Variants in CLASP1 observed in about 807,000 individuals in gnomAD.
CLASP1 encodes the protein CLIP-associating protein 1.
CLASP1 carries 38 observed loss-of-function variants against 192.3 expected under a neutral mutation model. The ratio of observed to expected loss-of-function variants is 0.20; its 90% CI spans 0.15 to 0.26. The LOEUF (loss-of-function observed/expected upper bound fraction) is 0.26. Ranked by LOEUF, CLASP1 falls within the 10% of genes least tolerant of loss-of-function variation. CLASP1 has a pLI of 1.00. For synonymous variants in CLASP1, 691 were observed against 712.8 expected, an observed-to-expected ratio of 0.97 and a Z score of 0.49; for missense variants, 1,433 against 1,932.5, an observed-to-expected ratio of 0.74 and a Z score of 4.85.
chr2:121,643,547 C>A (rs1369133053), intron 1 of CLASP1, among the ~76,000 whole-genome samples: 1 of 152,162 alleles, frequency 6.6e-6, no homozygotes, highest in Non-Finnish European at 1.5e-5. Context: ...TGGAAGGGAA[C>A]AAAGATTATG....
At chr2:121,412,235 T>C (rs568942345) in intron 23 of CLASP1, among the ~76,000 whole-genome samples, 1 of 152,322 alleles carries the variant, frequency 6.6e-6, no homozygotes, top group Non-Finnish European at 1.5e-5. Flanking sequence ...TCAATAGTTA[T>C]ACAGTCATGA....
intron 8 of CLASP1, among the ~76,000 whole-genome samples, chr2:121,493,612 C>T (rs1341770360): frequency 6.6e-6 from 1 of 151,936 alleles, no homozygotes; most frequent in African/African-American, 2.4e-5. Flanking sequence ...TAACACCCCA[C>T]AAGTATGGGC....
chr2:121,642,688 C>T (rs113698932), intron 1 of CLASP1, among the ~76,000 whole-genome samples: 2,117 of 152,086 alleles, frequency 0.014, 51 homozygotes, highest in African/African-American at 0.048. Flanking sequence ...GCTGAGATTG[C>T]GCCACTTCAC....
chr2:121,534,318 T>G (rs933600862), intron 2 of CLASP1, among the ~76,000 whole-genome samples: 15 of 151,922 alleles, frequency 9.9e-5, no homozygotes, highest in Admixed American at 3.9e-4. Context: ...GGAGAGTGAG[T>G]TGGAAATAAA....
chr2:121,396,603 G>A (rs1574294012), intron 30 of CLASP1, among the ~76,000 whole-genome samples: 1 of 152,194 alleles, frequency 6.6e-6, no homozygotes, highest in Non-Finnish European at 1.5e-5. Context: ...GGTCCTAATC[G>A]AGGTAATATG....
chr2:121,539,687 G>A (rs1474452492), intron 2 of CLASP1, among the ~76,000 whole-genome samples: 1 of 147,396 alleles, frequency 6.8e-6, no homozygotes, highest in African/African-American at 2.7e-5. Context: ...GAAAGTGAAA[G>A]TCAAGTCACG....
chr2:121,598,636 T>C (rs1208252617), intron 2 of CLASP1, among the ~76,000 whole-genome samples: 1 of 152,232 alleles, frequency 6.6e-6, no homozygotes, highest in African/African-American at 2.4e-5. Flanking sequence ...TGCCTCATTA[T>C]TTCTAAGCCT....
At chr2:121,514,275 C>T (rs1426032538) in intron 7 of CLASP1, among the ~76,000 whole-genome samples, 1 of 152,226 alleles carries the variant, frequency 6.6e-6, no homozygotes, top group East Asian at 1.9e-4. Flanking sequence ...TGGCATGAGG[C>T]CATCCCTGCA....
chr2:121,575,666 A>G (rs965776828), intron 2 of CLASP1, among the ~76,000 whole-genome samples: 1 of 152,248 alleles, frequency 6.6e-6, no homozygotes, highest in African/African-American at 2.4e-5. Flanking sequence ...AAGTCTACGC[A>G]CCAGAGTAAA....
chr2:121,352,114 G>A (rs1348955841), intron 37 of CLASP1, among the ~76,000 whole-genome samples: 1 of 152,208 alleles, frequency 6.6e-6, no homozygotes, highest in African/African-American at 2.4e-5. Context: ...GCAGGGACCT[G>A]CTACCTGATG....
chr2:121,616,178 C>T (rs945176637), intron 1 of CLASP1, among the ~76,000 whole-genome samples: 4 of 151,992 alleles, frequency 2.6e-5, no homozygotes, highest in African/African-American at 9.7e-5. Context: ...CAGGTGCGGT[C>T]GCTCACGCCT....
At chr2:121,634,504 T>C (rs770313871) in intron 1 of CLASP1, among the ~76,000 whole-genome samples, 1 of 152,230 alleles carries the variant, frequency 6.6e-6, no homozygotes, top group Non-Finnish European at 1.5e-5. Flanking sequence ...GAGATGTTTC[T>C]AATCTCCCAG....
chr2:121,567,090 G>GC (rs1435567463), intron 2 of CLASP1, among the ~76,000 whole-genome samples: 1 of 152,206 alleles, frequency 6.6e-6, no homozygotes, highest in Non-Finnish European at 1.5e-5. Flanking sequence ...AATTACAACA[G>GC]CAACTAACAA....
intron 4 of CLASP1, 146 bp downstream of exon 4, chr2:121,528,531 G>A (rs1212494246): frequency 1.5e-6 from 1 of 655,148 alleles, no homozygotes; most frequent in African/African-American, 1.8e-5. Context: ...TGGGGAAACA[G>A]ATTGAATGCT....
chr2:121,397,902 G>A (rs950088543), intron 29 of CLASP1, among the ~76,000 whole-genome samples: 6 of 152,126 alleles, frequency 3.9e-5, no homozygotes, highest in African/African-American at 4.8e-5. Flanking sequence ...AACATGTAAC[G>A]ATTAACTTTC....
At chr2:121,505,880 T>C (rs1396203130) in intron 7 of CLASP1, among the ~76,000 whole-genome samples, 1 of 152,034 alleles carries the variant, frequency 6.6e-6, no homozygotes, top group Admixed American at 6.5e-5. Flanking sequence ...TTTTAAATAA[T>C]TTCCTGGAAG....
intron 2 of CLASP1, among the ~76,000 whole-genome samples, chr2:121,540,769 A>C (rs1244310013): frequency 3.3e-5 from 5 of 149,726 alleles, no homozygotes; most frequent in African/African-American, 1.3e-4. Context: ...CCTGTGCAAC[A>C]GAGTGAGACT....
intron 19 of CLASP1, among the ~76,000 whole-genome samples, chr2:121,446,116 A>G (rs2084286091): frequency 6.6e-6 from 1 of 152,238 alleles, no homozygotes; most frequent in African/African-American, 2.4e-5. Context: ...TTTCTTCTCA[A>G]TTGTTATGGG....
intron 2 of CLASP1, chr2:121,531,106 G>A (rs1022495362): frequency 9.4e-6 from 6 of 640,390 alleles, no homozygotes; most frequent in Middle Eastern, 4.1e-4. Flanking sequence ...CACAAGACGC[G>A]TGGTTTTAGT....
Sources: gnomAD v4.1 joint callset for allele counts (sites outside exome capture counted in the v4.1 genomes callset) on GRCh38, gnomAD v4.1.1 for gene constraint, MANE v1.5 for transcripts, NCBI Gene and HGNC (gene_info 2026-07-23, HGNC 2026-07-21) for gene names.